The following ARHGEF10 variants were observed in gnomAD, a reference collection of about 807,000 sequenced individuals.
ARHGEF10 encodes Rho guanine nucleotide exchange factor (GEF) 10.
Under a neutral mutation model 147.4 loss-of-function variants are expected in ARHGEF10, and 140 were observed. The ratio of observed to expected loss-of-function variants is 0.95; its 90% CI spans 0.83 to 1.09. The LOEUF is 1.09. ARHGEF10 is among the 50% of genes least tolerant of loss of function. The pLI, the probability that ARHGEF10 is intolerant of heterozygous loss-of-function variation, is 0.00. For synonymous variants in ARHGEF10, 902 were observed against 695.8 expected (o/e 1.30, Z -4.67); for missense variants, 2,222 against 1,752.7 (o/e 1.27, Z -4.78).
intron 4 of ARHGEF10, among the ~76,000 whole-genome samples, chr8:1,862,994 AG>A (rs570060905): frequency 3.3e-5 from 5 of 151,926 alleles, no homozygotes; most frequent in African/African-American, 1.2e-4. Flanking sequence ...CATGTTGACC[AG>A]GATGGACTTG....
At position 1,869,088 on chromosome 8, in the gene ARHGEF10, C is replaced by G. The variant is rs59431095; in HGVS notation, c.623-106C>G. On this transcript the variant is annotated intron_variant, in intron 6 of 28. Coordinates refer to ENST00000349830, the MANE Select transcript of ARHGEF10 (RefSeq NM_014629.4). The stretch of plus-strand genomic sequence containing the variant: ...AAAAAAAACTACCCTTATAAACCAA[C>G]TTTTTGAATAATCATGACATCATCG... 6.4e-6 allele frequency: 7 copies of G among 1,099,546 alleles called. No homozygotes were observed. The East Asian group carries it at 7.1e-5, about 11-fold the overall frequency. The allele number at this position is 1,099,546 out of a possible 1,614,324, so 68.1% of individuals were successfully genotyped here.
chr8:1,894,260 G>A, intron 12 of ARHGEF10, 133 bp from the exon 13 acceptor site: 2 of 846,136 alleles, frequency 2.4e-6, no homozygotes, highest in African/African-American at 1.7e-5. Flanking sequence ...TGAGGTGGGA[G>A]GATGGCTTGA....
At chr8:1,858,232 C>T (rs1204260400) in intron 3 of ARHGEF10, 117 bp downstream of exon 3, 3 of 918,696 alleles carry the variant, frequency 3.3e-6, no homozygotes, top group Admixed American at 3.0e-5. Context: ...AGGTGAGTCC[C>T]CAGGTGGGTC....
chr8:1,921,664 G>C (rs1005097714), intron 18 of ARHGEF10, among the ~76,000 whole-genome samples: 1 of 152,184 alleles, frequency 6.6e-6, no homozygotes, highest in African/African-American at 2.4e-5. Context: ...GAACCCGGGA[G>C]GCAGAGGTTG....
rs1212937946 is a variant in ARHGEF10 at position 1,823,975 on chromosome 8, CGGGGTCGCGGGGGACGCG to C, written c.-181_-164del. 10 of 93,786 alleles carry C rather than the reference CGGGGTCGCGGGGGACGCG, an allele frequency of 1.1e-4. No individual in the cohort carries two copies. The highest frequency in any genetic ancestry group is 4.5e-4 in the African/African-American group (10 of 22,090). The allele number at this position is 93,786 out of a possible 1,614,324, so 5.8% of individuals were successfully genotyped here. A position where few individuals can be genotyped will look rare whatever the true frequency, so the allele number is the denominator to read the frequency against. ...CGGCGGGCGCGCGATCCGGGACGGA[CGGGGTCGCGGGGGACGCG>C]GGGGACGCGGGGGACGGCGGGGAAC... is the stretch of plus-strand genomic sequence containing the variant. On this transcript the variant is annotated 5_prime_UTR_variant, in exon 1 of 29. Transcript: ENST00000349830.
At chr8:1,895,175 C>T (rs1809872082) in intron 13 of ARHGEF10, among the ~76,000 whole-genome samples, 3 of 152,178 alleles carry the variant, frequency 2.0e-5, no homozygotes, top group African/African-American at 7.2e-5. Flanking sequence ...GGGTTAGCTG[C>T]CTGGAAACCA....
Position 1,926,435 on chromosome 8 carries a change from C to T in ARHGEF10, c.2669C>T (p.Ser890Leu), listed in dbSNP as rs993511932. The T allele has an allele frequency of 1.2e-6, 2 of 1,614,024 alleles. No homozygotes were observed. Among genetic ancestry groups the T allele is most frequent in the African/African-American group, 2.7e-5 (2 of 74,910 alleles). The change falls in exon 23 of 29, where the codon TCA (serine) becomes TTA (leucine). Residue 890 changes from serine (S) to leucine (L), a missense_variant. Transcript: ENST00000349830. Reference sequence around the variant, plus strand: ...CTAAATAATGAAAGCCAGCCAGATTCATTTTCCACGGCACATGGTTTCCTG... The same window carrying T: ...CTAAATAATGAAAGCCAGCCAGATTTATTTTCCACGGCACATGGTTTCCTG... ...PYLNNESQPDSFSTAHGFLWI... is the reference protein window; with the variant it reads ...PYLNNESQPDLFSTAHGFLWI...
Position 1,925,452 on chromosome 8 carries a change from C to T in ARHGEF10, c.2610+48C>T, listed in dbSNP as rs201407214. The stretch of plus-strand genomic sequence containing the variant: ...GCCCGGGGTGGGACGCACCTCGCAG[C>T]TCTGAATGGGCCACTTGGGAGATGA... On this transcript the variant is annotated intron_variant, in intron 22 of 28. Transcript: ENST00000349830. 5.0e-6 allele frequency: 8 copies of T among 1,609,876 alleles called. No homozygotes were observed. In the East Asian group the frequency reaches 1.8e-4, roughly 36 times the overall value.
At chr8:1,870,183 G>A (rs1478602699) in intron 7 of ARHGEF10, 2 of 148,382 alleles carry the variant, frequency 1.3e-5, no homozygotes, top group Non-Finnish European at 3.0e-5. Context: ...CATGCCGTGT[G>A]TTCTGAAGTT....
chr8:1,843,136 C>G (rs1455670359), intron 1 of ARHGEF10, among the ~76,000 whole-genome samples: 1 of 152,254 alleles, frequency 6.6e-6, no homozygotes, highest in African/African-American at 2.4e-5. Flanking sequence ...GGTGAAGTCA[C>G]TCCAACACTG....
chr8:1,885,667 C>T lies in ARHGEF10; in HGVS notation c.1142C>T (p.Ala381Val), dbSNP rs1808596508. The T allele has an allele frequency of 1.9e-6, 3 of 1,613,962 alleles. No homozygotes were observed. The highest frequency in any genetic ancestry group is 1.7e-6 in the Non-Finnish European group (2 of 1,180,000). The part of the protein sequence containing the change: ...FIDVDCKHPE[A>V]ILTPMPEGLS... ...GATGTTGACTGCAAGCACCCGGAAG[C>T]CATCTTGACCCCGATGCCCGAGGGT... Residue 381 changes from alanine (A) to valine (V), a missense_variant, in exon 11 of 29, where the codon GCC becomes GTC. Physicochemically the swap from Ala to Val is moderately conservative, Grantham distance 64. Coordinates refer to ENST00000349830, the MANE Select transcript of ARHGEF10 (RefSeq NM_014629.4).
At chr8:1,866,680 G>C (rs989272110) in intron 6 of ARHGEF10, 78 bp downstream of exon 6, 1 of 1,288,868 alleles carries the variant, frequency 7.8e-7, no homozygotes, top group Non-Finnish European at 1.1e-6. Flanking sequence ...GGGTCCCTGA[G>C]TCTCAGGTCC....
At chr8:1,872,892 A>G (rs1176222337) in intron 7 of ARHGEF10, among the ~76,000 whole-genome samples, 1 of 152,220 alleles carries the variant, frequency 6.6e-6, no homozygotes, top group Non-Finnish European at 1.5e-5. Context: ...GAAAACTCCT[A>G]GGTGCTTGCA....
intron 28 of ARHGEF10, among the ~76,000 whole-genome samples, chr8:1,954,782 C>A (rs1184443143): frequency 1.3e-5 from 2 of 152,254 alleles, no homozygotes; most frequent in South Asian, 4.1e-4. Flanking sequence ...TTTCACCTTT[C>A]CGGCTTTTGC....
Position 1,827,777 on chromosome 8 carries a change from TA to T in ARHGEF10, c.-48+3669del, listed in dbSNP as rs1310860457. On this transcript the variant is annotated intron_variant, in intron 1 of 28. Transcript: ENST00000349830. ...ATGTGAAAAAGGTGTAAAATATTTTTAAAAATGTTTGGGTTCAAAGTTTTTC... is the reference window on the plus strand; with the variant it reads ...ATGTGAAAAAGGTGTAAAATATTTTTAAAATGTTTGGGTTCAAAGTTTTTC... Among the ~76,000 whole-genome samples the T allele has an allele frequency of 1.2e-4, 18 of 152,362 alleles. 1 individual carries two copies. The highest frequency in any genetic ancestry group is 4.3e-4 in the African/African-American group (18 of 41,580).
intron 8 of ARHGEF10, 120 bp downstream of exon 8, chr8:1,876,854 G>A (rs1807753577): frequency 8.6e-7 from 1 of 1,166,148 alleles, no homozygotes; most frequent in Non-Finnish European, 1.3e-6. Context: ...CTGATAAGTA[G>A]TTTGGGGAAA....
intron 1 of ARHGEF10, among the ~76,000 whole-genome samples, chr8:1,828,637 C>T (rs1018449449): frequency 1.4e-5 from 2 of 143,650 alleles, no homozygotes; most frequent in African/African-American, 2.6e-5. Context: ...GCACACTTAA[C>T]GGTTTTAAGG....
chr8:1,856,347 G>A (rs1805551914), intron 2 of ARHGEF10, among the ~76,000 whole-genome samples: 1 of 152,206 alleles, frequency 6.6e-6, no homozygotes, highest in African/African-American at 2.4e-5. Context: ...GGTCAGCTGG[G>A]GGTCTCATCC....
rs891353917 is a variant in ARHGEF10, at chr8:1,856,655, G to A, written c.38-1305G>A. ...TGCTCCCTAGCAGGGCTCCCCCTCAGCCCCCTCCGGAGCTGCCTGCAGCCG... is the reference window on the plus strand; with the variant it reads ...TGCTCCCTAGCAGGGCTCCCCCTCAACCCCCTCCGGAGCTGCCTGCAGCCG... On this transcript the variant is annotated intron_variant, in intron 2 of 28. Coordinates refer to ENST00000349830, the MANE Select transcript of ARHGEF10 (RefSeq NM_014629.4). 1.6e-4 allele frequency among the ~76,000 whole-genome samples: 25 copies of A among 152,316 alleles called. No individual in the cohort carries two copies. The East Asian group carries it at 4.8e-3, about 29-fold the overall frequency.
Sources: allele counts gnomAD v4.1 joint callset (sites outside exome capture counted in the v4.1 genomes callset), GRCh38; gene constraint gnomAD v4.1.1; transcripts MANE v1.5; gene names NCBI Gene and HGNC (gene_info 2026-07-23, HGNC 2026-07-21).